The following MYOF variants were observed in gnomAD, a reference collection of about 807,000 sequenced individuals.
The protein encoded by MYOF is myoferlin.
In MYOF, 244 loss-of-function variants were observed where a neutral mutation model predicts 284.2. The ratio of observed to expected loss-of-function variants is 0.86; its 90% CI spans 0.77 to 0.95. The LOEUF (loss-of-function observed/expected upper bound fraction) is 0.95, where lower values mean the gene tolerates loss of function less well. MYOF is among the 40% of genes least tolerant of loss of function. The pLI, the probability that MYOF is intolerant of heterozygous loss-of-function variation, is 0.00. For synonymous variants in MYOF, 904 were observed against 919.7 expected (o/e 0.98, Z 0.31); for missense variants, 2,496 against 2,560.6 (o/e 0.97, Z 0.54).
chr10:93,401,467 C>T lies in MYOF; in HGVS notation c.1068G>A (p.Arg356=), dbSNP rs375321834. Reference sequence around the variant, plus strand: ...AGATTTTCAGCAAGAAGGTCACCCACCGGAGGGCAATGCCAGCAGGGAGTA... The same window carrying T: ...AGATTTTCAGCAAGAAGGTCACCCATCGGAGGGCAATGCCAGCAGGGAGTA... The part of the protein sequence containing the change: ...NLLLPAGIAL[R]WVTFLLKIYR... The change falls in exon 12 of 54, where the codon CGG becomes CGA. Residue 356 remains arginine, a synonymous_variant. Transcript: ENST00000359263. The T allele has an allele frequency of 6.2e-7, 1 of 1,614,050 alleles. No homozygotes were observed.
chr10:93,445,954 T>C (rs1289100312), intron 3 of MYOF, among the ~76,000 whole-genome samples: 1 of 152,092 alleles, frequency 6.6e-6, no homozygotes, highest in African/African-American at 2.4e-5. Flanking sequence ...AAAGAAAATC[T>C]GGGCCCAAAA....
intron 17 of MYOF, among the ~76,000 whole-genome samples, chr10:93,390,364 A>G (rs1846616201): frequency 1.3e-5 from 2 of 152,228 alleles, no homozygotes; most frequent in Non-Finnish European, 2.9e-5. Context: ...CAGTGAAGAC[A>G]GCAAGAAAAA....
At chr10:93,348,667 G>A (rs1218610611) in intron 36 of MYOF, among the ~76,000 whole-genome samples, 8 of 144,314 alleles carry the variant, frequency 5.5e-5, no homozygotes, top group Non-Finnish European at 9.2e-5. Context: ...GCCGTCTGTC[G>A]CATGATAGGG....
chr10:93,331,759 C>T (rs1843318203), intron 43 of MYOF, among the ~76,000 whole-genome samples: 1 of 151,696 alleles, frequency 6.6e-6, no homozygotes, highest in Admixed American at 6.6e-5. Flanking sequence ...TGACACATGA[C>T]AGAGAAAGAA....
intron 37 of MYOF, 108 bp downstream of exon 37, chr10:93,347,509 G>A (rs1286384354): frequency 1.1e-5 from 11 of 1,025,004 alleles, no homozygotes; most frequent in Admixed American, 7.9e-5. Context: ...CCGAGATTGC[G>A]CCACTGCAGT....
Position 93,431,322 on chromosome 10 carries a change from C to G in MYOF, c.345+86G>C, listed in dbSNP as rs574645803. 5.2e-6 allele frequency: 6 copies of G among 1,147,178 alleles called. No homozygotes were observed. In the African/African-American group the frequency reaches 9.2e-5, roughly 18 times the overall value. 71.1% of individuals were successfully genotyped at this position (1,147,178 alleles called of 1,614,324 possible). On this transcript the variant is annotated intron_variant, in intron 4 of 53. Coordinates refer to ENST00000359263, the MANE Select transcript of MYOF (RefSeq NM_013451.4). Reference sequence around the variant, plus strand: ...TGCTGGGATTACAGGTGTGAGCCACCACGCCCGGCCTTAGACCTTTTTCTT... The same window carrying G: ...TGCTGGGATTACAGGTGTGAGCCACGACGCCCGGCCTTAGACCTTTTTCTT...
intron 44 of MYOF, 127 bp from the exon 45 acceptor site, chr10:93,329,038 C>A: frequency 1.1e-6 from 1 of 899,920 alleles, no homozygotes; most frequent in Non-Finnish European, 1.6e-6. Context: ...GCGCTACACT[C>A]TGACTTTGGC....
At chr10:93,344,486 G>A (rs923396857) in intron 37 of MYOF, among the ~76,000 whole-genome samples, 14 of 152,110 alleles carry the variant, frequency 9.2e-5, no homozygotes, top group African/African-American at 3.1e-4. Context: ...CTACTTATAA[G>A]TGAGAACATA....
At chr10:93,394,443 C>CTTTTTTT (rs1193314228) in intron 16 of MYOF, among the ~76,000 whole-genome samples, 52 of 58,906 alleles carry the variant, frequency 8.8e-4, no homozygotes, top group Non-Finnish European at 1.8e-3. Context: ...TGGTCACCAT[C>CTTTTTTT]TTGTCTTTTT....
intron 3 of MYOF, among the ~76,000 whole-genome samples, chr10:93,432,140 C>A (rs1299325563): frequency 1.3e-5 from 2 of 152,096 alleles, no homozygotes; most frequent in East Asian, 1.9e-4. Context: ...GAAATCCCAG[C>A]ACTTTGGGAG....
Position 93,386,400 on chromosome 10 carries a change from C to T in MYOF, c.1698+1397G>A, listed in dbSNP as rs370689286. Among the ~76,000 whole-genome samples, 28 of 152,224 alleles carry T rather than the reference C, an allele frequency of 1.8e-4. 1 individual carries two copies. The highest frequency in any genetic ancestry group is 1.7e-3 in the South Asian group (8 of 4,814). On this transcript the variant is annotated intron_variant, in intron 19 of 53. Coordinates refer to ENST00000359263, the MANE Select transcript of MYOF (RefSeq NM_013451.4). ...CCAGGACCTTATTGACTTTTGGCTC[C>T]GTGTCTCTTTAGTAAAAAAACAAAA...
intron 48 of MYOF, among the ~76,000 whole-genome samples, chr10:93,322,591 C>T (rs1457487643): frequency 6.6e-6 from 1 of 152,178 alleles, no homozygotes; most frequent in East Asian, 1.9e-4. Flanking sequence ...TGGATGCTGG[C>T]ACTCAGTGCA....
At chr10:93,346,791 C>G (rs1234240039) in intron 37 of MYOF, among the ~76,000 whole-genome samples, 1 of 152,160 alleles carries the variant, frequency 6.6e-6, no homozygotes, top group Non-Finnish European at 1.5e-5. Flanking sequence ...GCCTTCCCTG[C>G]TGGACTTTTG....
chr10:93,345,511 A>G (rs1400394692), intron 37 of MYOF, among the ~76,000 whole-genome samples: 1 of 152,180 alleles, frequency 6.6e-6, no homozygotes, highest in Non-Finnish European at 1.5e-5. Context: ...TGTGTGAGGT[A>G]GTTTTAGATC....
At chr10:93,319,787 C>T (rs188577577) in intron 49 of MYOF, 85 bp downstream of exon 49, 117 of 1,571,762 alleles carry the variant, frequency 7.4e-5, no homozygotes, top group Non-Finnish European at 9.7e-5. Flanking sequence ...CCTCCGAGAT[C>T]CTGAGCAGCT....
At position 93,363,975 on chromosome 10, in the gene MYOF, T is replaced by C; in HGVS notation, c.2854A>G (p.Thr952Ala). 6.2e-7 allele frequency: 1 copy of C among 1,614,138 alleles called. No homozygotes were observed. The highest frequency in any genetic ancestry group is 1.3e-5 in the African/African-American group (1 of 75,056). Reference protein sequence around the residue: ...PGGDWKPAEDTYTDANGDKAA... With the variant: ...PGGDWKPAEDAYTDANGDKAA... ...AGGCCACTCACCGCATCCGTGTAGGTGTCCTCGGCCGGCTTCCAGTCGCCC... is the reference window on the plus strand; with the variant it reads ...AGGCCACTCACCGCATCCGTGTAGGCGTCCTCGGCCGGCTTCCAGTCGCCC... Residue 952 changes from threonine (T) to alanine (A), a missense_variant, in exon 27 of 54, where the codon ACC (threonine) becomes GCC (alanine). Around this residue, in one of 3 missense-constraint regions of MYOF, gnomAD observed 2,436 missense variants for 2,480.7 expected, o/e 0.98. Coordinates refer to ENST00000359263, the MANE Select transcript of MYOF (RefSeq NM_013451.4).
Position 93,347,711 on chromosome 10 carries a change from C to G in MYOF, c.4155G>C (p.Arg1385=). The G allele has an allele frequency of 6.2e-7, 1 of 1,614,124 alleles. No homozygotes were observed. The highest frequency in any genetic ancestry group is 8.5e-7 in the Non-Finnish European group (1 of 1,180,020). ...IKVIDHRQFG[R]KPVVGQCTIE... is the part of the protein sequence containing the mutation. ...TGGTGCACTGGCCGACGACAGGCTT[C>G]CGCCCAAACTGCCTGTGGTCGATGA... The change falls in exon 37 of 54, where the codon CGG becomes CGC. Residue 1385 remains arginine (R), a synonymous_variant. Coordinates refer to ENST00000359263, the MANE Select transcript of MYOF (RefSeq NM_013451.4).
At chr10:93,465,407 T>C (rs1247861252) in intron 1 of MYOF, among the ~76,000 whole-genome samples, 14 of 152,176 alleles carry the variant, frequency 9.2e-5, no homozygotes, top group Non-Finnish European at 1.5e-4. Context: ...TAGGCGGCTT[T>C]AATGATTAAA....
At chr10:93,435,960 C>T (rs1294022775) in intron 3 of MYOF, among the ~76,000 whole-genome samples, 6 of 150,912 alleles carry the variant, frequency 4.0e-5, no homozygotes, top group Non-Finnish European at 7.4e-5. Context: ...TAAAGTCCTA[C>T]TCTCTAATTT....
Sources: gnomAD v4.1 joint callset for allele counts (sites outside exome capture counted in the v4.1 genomes callset) on GRCh38, gnomAD v4.1.1 for gene constraint, gnomAD v4.1.1 regional missense constraint, MANE v1.5 for transcripts, NCBI Gene and HGNC (gene_info 2026-07-23, HGNC 2026-07-21) for gene names.